The following PCDHGA1 variants were observed in gnomAD, a reference collection of about 807,000 sequenced individuals.
PCDHGA1 encodes the protein protocadherin gamma subfamily A, 1, also known as protocadherin gamma-A1.
A neutral mutation model predicts 58.0 loss-of-function variants in PCDHGA1; 32 were observed. The ratio of observed to expected loss-of-function variants is 0.55; its 90% confidence interval spans 0.42 to 0.74. The LOEUF is 0.74. Ranked by LOEUF, PCDHGA1 falls within the 30% of genes least tolerant of loss-of-function variation. PCDHGA1 has a pLI of 0.00. For missense variants in PCDHGA1, 1,205 were observed against 1,182.3 expected, an observed-to-expected ratio of 1.02 and a Z score of -0.28; for synonymous variants, 498 against 501.1, an observed-to-expected ratio of 0.99 and a Z score of 0.08.
At chr5:141,470,599 C>T (rs967683467) in intron 1 of PCDHGA1, among the ~76,000 whole-genome samples, 12 of 152,194 alleles carry the variant, frequency 7.9e-5, no homozygotes, top group Non-Finnish European at 1.2e-4. Context: ...GCGACCTGTG[C>T]GGGGACACAG....
At chr5:141,358,595 C>T (rs1760962158) in intron 1 of PCDHGA1, among the ~76,000 whole-genome samples, 1 of 152,188 alleles carries the variant, frequency 6.6e-6, no homozygotes, top group Admixed American at 6.5e-5. Flanking sequence ...TGGTGCACTC[C>T]TGTGATTATG....
intron 1 of PCDHGA1, chr5:141,351,353 A>T: frequency 6.2e-7 from 1 of 1,613,362 alleles, no homozygotes; most frequent in South Asian, 1.1e-5. Context: ...AATAGCCCTC[A>T]TAAAAGTGCG....
chr5:141,360,897 C>T, intron 1 of PCDHGA1: 4 of 1,614,016 alleles, frequency 2.5e-6, no homozygotes, highest in African/African-American at 1.3e-5. Context: ...TGAGGGAGGA[C>T]GTGCCGCCGG....
chr5:141,496,081 C>A (rs976166091), intron 2 of PCDHGA1, among the ~76,000 whole-genome samples: 1 of 152,060 alleles, frequency 6.6e-6, no homozygotes, highest in Non-Finnish European at 1.5e-5. Flanking sequence ...CACAACCCCC[C>A]ACCCACCACC....
At chr5:141,371,448 G>A in intron 1 of PCDHGA1, 1 of 1,613,994 alleles carries the variant, frequency 6.2e-7, no homozygotes, top group Non-Finnish European at 8.5e-7. Flanking sequence ...CCTGGCTTCT[G>A]AATCCCAACA....
In PCDHGA1 at chr5:141,383,002, G is replaced by A. The variant is rs376825891; in HGVS notation, c.2421+49897G>A. 8 of 1,613,766 alleles carry A rather than the reference G, an allele frequency of 5.0e-6. No individual in the cohort carries two copies. Among genetic ancestry groups the A allele is most frequent in the East Asian group, 2.2e-5 (1 of 44,884 alleles). On this transcript the variant is annotated intron_variant, in intron 1 of 3. Transcript: ENST00000517417. ...CTGGGCAGGACGTATTCTCTACTCC[G>A]TGTCGGAGGAGACGGACAAAGGGTC...
At chr5:141,364,846 C>A in intron 1 of PCDHGA1, 5 of 1,613,994 alleles carry the variant, frequency 3.1e-6, no homozygotes, top group Non-Finnish European at 4.2e-6. Flanking sequence ...GTTACCAGCT[C>A]AGCTCCAATC....
intron 1 of PCDHGA1, chr5:141,403,279 G>C (rs779882720): frequency 6.2e-7 from 1 of 1,613,900 alleles, no homozygotes. Flanking sequence ...TTAAAGTCCT[G>C]GTTGAAGACA....
intron 1 of PCDHGA1, among the ~76,000 whole-genome samples, chr5:141,335,361 CA>C (rs1193097918): frequency 1.3e-5 from 2 of 151,542 alleles, no homozygotes; most frequent in African/African-American, 4.9e-5. Flanking sequence ...TGTACACACA[CA>C]AAAAAGAAAG....
chr5:141,428,145 A>G (rs748256830), intron 1 of PCDHGA1: 10 of 1,592,574 alleles, frequency 6.3e-6, no homozygotes, highest in African/African-American at 1.3e-5. Context: ...GGGGCTGCAC[A>G]CGGGAACCTG....
chr5:141,460,669 TTATATATC>T (rs1176483278), intron 1 of PCDHGA1, among the ~76,000 whole-genome samples: 1 of 152,032 alleles, frequency 6.6e-6, no homozygotes, highest in African/African-American at 2.4e-5. Flanking sequence ...GTAAACACAG[TTATATATC>T]TATATATCCA....
intron 1 of PCDHGA1, chr5:141,421,203 G>A (rs779780797): frequency 2.6e-6 from 4 of 1,522,494 alleles, no homozygotes; most frequent in African/African-American, 1.4e-5. Context: ...TCGAGAAACC[G>A]CGGAATATCG....
At chr5:141,399,944 A>G (rs769384438) in intron 1 of PCDHGA1, 2 of 1,612,254 alleles carry the variant, frequency 1.2e-6, no homozygotes, top group South Asian at 2.2e-5. Context: ...CACGTGCTGC[A>G]GGCTAGCGAG....
intron 1 of PCDHGA1, chr5:141,428,256 T>A: frequency 1.2e-6 from 1 of 863,822 alleles, no homozygotes; most frequent in Non-Finnish European, 1.9e-6. Flanking sequence ...CAGACTTCAG[T>A]GACAGTCCTG....
intron 1 of PCDHGA1, chr5:141,393,244 A>C: frequency 6.2e-7 from 1 of 1,613,840 alleles, no homozygotes; most frequent in Non-Finnish European, 8.5e-7. Flanking sequence ...AAAATTAACG[A>C]AATCGCGGTT....
Position 141,476,977 on chromosome 5 carries a change from C to A in PCDHGA1, c.2422-17830C>A, listed in dbSNP as rs141692339. On this transcript the variant is annotated intron_variant, in intron 1 of 3. Coordinates refer to ENST00000517417, the MANE Select transcript of PCDHGA1 (RefSeq NM_018912.3). The surrounding 1 kb of genome is among the most constrained non-coding windows in gnomAD (Gnocchi z 7.6). The stretch of plus-strand genomic sequence containing the variant: ...TTATTTACTCCTTCGGCAGCCACAA[C>A]CGCGCCGGCGTGCGGCAACTATTCG... 6.2e-7 allele frequency: 1 copy of A among 1,614,232 alleles called. No individual in the cohort carries two copies. The highest frequency in any genetic ancestry group is 8.5e-7 in the Non-Finnish European group (1 of 1,180,040).
At chr5:141,372,766 A>G in intron 1 of PCDHGA1, 1 of 1,611,952 alleles carries the variant, frequency 6.2e-7, no homozygotes, top group Non-Finnish European at 8.5e-7. Flanking sequence ...TTTGAAAGTA[A>G]TGACAATCCA....
rs747746357 is a variant in PCDHGA1, at chr5:141,352,135, G to T, written c.2421+19030G>T. The T allele has an allele frequency of 3.7e-6, 6 of 1,611,118 alleles. No individual in the cohort carries two copies. The Admixed American group carries it at 8.4e-5, about 22-fold the overall frequency. ...TGCGCACGGGTGAGGTGCGCACAGCGCGTGCCTTGGGCGACAGGGACGCGG... is the reference window on the plus strand; with the variant it reads ...TGCGCACGGGTGAGGTGCGCACAGCTCGTGCCTTGGGCGACAGGGACGCGG... On this transcript the variant is annotated intron_variant, in intron 1 of 3. Coordinates refer to ENST00000517417, the MANE Select transcript of PCDHGA1 (RefSeq NM_018912.3).
At chr5:141,383,138 G>A (rs538619604) in intron 1 of PCDHGA1, 56 of 1,614,132 alleles carry the variant, frequency 3.5e-5, no homozygotes, top group Admixed American at 2.7e-4. Flanking sequence ...CTGAACCAGC[G>A]CAGCGGCAGC....
Sources: gnomAD v4.1 joint callset for allele counts (sites outside exome capture counted in the v4.1 genomes callset) on GRCh38, gnomAD v4.1.1 for gene constraint, Gnocchi (gnomAD v3.1) non-coding constraint, MANE v1.5 for transcripts, NCBI Gene and HGNC (gene_info 2026-07-23, HGNC 2026-07-21) for gene names.